CYP11B2: variants seen among roughly 807,000 people sequenced by gnomAD.
CYP11B2 encodes cytochrome P450 11B2, mitochondrial.
CYP11B2 carries 38 observed loss-of-function variants against 49.3 expected under a neutral mutation model. The ratio of observed to expected loss-of-function variants is 0.77; its 90% confidence interval spans 0.59 to 1.01. CYP11B2 has a LOEUF of 1.01. Ranked by LOEUF, CYP11B2 falls within the 50% of genes least tolerant of loss-of-function variation. CYP11B2 has a pLI of 0.00. For synonymous variants in CYP11B2, 290 were observed against 269.3 expected (o/e 1.08, Z -0.75); for missense variants, 669 against 655.5 (o/e 1.02, Z -0.23).
rs745626507 is a variant in CYP11B2, at chr8:142,917,757, G to A, written c.84C>T (p.Ala28=). ...GCAGCACCGTCCTAGGGGCCCGAGC[G>A]GCTCTAGTGCCCAGTGCCCGTGCCC... ...LQRARALGTR[A]ARAPRTVLPF... The change falls in exon 1 of 9, where the codon GCC becomes GCT. Residue 28 remains alanine (A), a synonymous_variant. Transcript: ENST00000323110. 18 of 1,614,206 alleles carry A rather than the reference G, an allele frequency of 1.1e-5. 1 individual carries two copies. Among genetic ancestry groups the A allele is most frequent in the East Asian group, 4.5e-5 (2 of 44,886 alleles).
At position 142,911,300 on chromosome 8, in the gene CYP11B2, C is replaced by G. The variant is rs1817530200; in HGVS notation, c.*680G>C. The G allele has an allele frequency of 2.0e-5, 3 of 152,940 alleles. No homozygotes were observed. The South Asian group carries it at 6.2e-4, about 32-fold the overall frequency. 9.5% of individuals were successfully genotyped at this position (152,940 alleles called of 1,614,324 possible). On this transcript the variant is annotated 3_prime_UTR_variant, in exon 9 of 9. Coordinates refer to ENST00000323110, the MANE Select transcript of CYP11B2 (RefSeq NM_000498.3). ...CCAACACTCGCTGCTTGAACAAGACCTGGTCCATGAAAGACGAGGCCTGGG... is the reference window on the plus strand; with the variant it reads ...CCAACACTCGCTGCTTGAACAAGACGTGGTCCATGAAAGACGAGGCCTGGG...
In CYP11B2 at chr8:142,913,269, C is replaced by T; in HGVS notation, c.1121+16G>A. 6.2e-7 allele frequency: 1 copy of T among 1,612,282 alleles called. No individual in the cohort carries two copies. ...CAGGGGGCCAGGGCCACAGGGAGGC[C>T]TCAGCCAGCACCCACCGCAAGGTCT... On this transcript the variant is annotated intron_variant, in intron 6 of 8. Transcript: ENST00000323110.
chr8:142,911,990 G>T lies in CYP11B2; in HGVS notation c.1502C>A (p.Ala501Glu). The T allele has an allele frequency of 6.2e-7, 1 of 1,613,978 alleles. No homozygotes were observed. Among genetic ancestry groups the T allele is most frequent in the Non-Finnish European group, 8.5e-7 (1 of 1,179,924 alleles). ...GGTGCAGATGCAAGACTAGTTAATC[G>T]CTCTGAAAGTGAGGAGGGGGGACGT... is the stretch of plus-strand genomic sequence containing the variant. ...PGTSPLLTFR[A>E]IN Residue 501 changes from alanine (A) to glutamate (E), a missense_variant, in exon 9 of 9, where the codon GCG becomes GAG. Physicochemically the swap from Ala to Glu is moderately radical, Grantham distance 107 (BLOSUM62 -1). Transcript: ENST00000323110.
chr8:142,917,534 C>T, intron 1 of CYP11B2, 68 bp downstream of exon 1: 2 of 1,613,560 alleles, frequency 1.2e-6, no homozygotes, highest in Non-Finnish European at 1.7e-6. Flanking sequence ...TGCTGAGTGC[C>T]TGGCAGGGTC....
At position 142,917,219 on chromosome 8, in the gene CYP11B2, G is replaced by A. The variant is rs776889318; in HGVS notation, c.240-5C>T. On this transcript the variant is annotated splice_region_variant and splice_polypyrimidine_tract_variant and intron_variant, in intron 1 of 8. Transcript: ENST00000323110. The stretch of plus-strand genomic sequence containing the variant: ...CGTGGTCCTCCCAAGTTGTACCTGT[G>A]GGGCCAAGCAGGAGGCCCTGCTGGA... 1.2e-6 allele frequency: 2 copies of A among 1,613,660 alleles called. No individual in the cohort carries two copies. Among genetic ancestry groups the A allele is most frequent in the Admixed American group, 1.7e-5 (1 of 60,000 alleles).
rs569467024 is a variant in CYP11B2, at chr8:142,914,459, G to A, written c.800-41C>T. On this transcript the variant is annotated intron_variant, in intron 4 of 8. Transcript: ENST00000323110. Reference sequence around the variant, plus strand: ...GGGACAGCCCTCAGATCTTGGTGCTGGGAAGCATCCTTCAGTGTCCTCCTC... The same window carrying A: ...GGGACAGCCCTCAGATCTTGGTGCTAGGAAGCATCCTTCAGTGTCCTCCTC... The A allele has an allele frequency of 2.5e-6, 4 of 1,571,042 alleles. No homozygotes were observed. The South Asian group carries it at 4.6e-5, about 18-fold the overall frequency.
rs1232046104 is a variant in CYP11B2 at position 142,911,631 on chromosome 8, G to A, written c.*349C>T. On this transcript the variant is annotated 3_prime_UTR_variant, in exon 9 of 9. Coordinates refer to ENST00000323110, the MANE Select transcript of CYP11B2 (RefSeq NM_000498.3). Reference sequence around the variant, plus strand: ...ATGTGAGACTAGGCAGGAAGGCAAGGGACAAAATCACAGCACCCTTGCATG... The same window carrying A: ...ATGTGAGACTAGGCAGGAAGGCAAGAGACAAAATCACAGCACCCTTGCATG... 1 of 346,454 alleles carries A rather than the reference G, an allele frequency of 2.9e-6. No homozygotes were observed. The highest frequency in any genetic ancestry group is 6.5e-5 in the East Asian group (1 of 15,354). The allele number at this position is 346,454 out of a possible 1,614,324, so 21.5% of individuals were successfully genotyped here.
At chr8:142,917,474 T>TC (rs998359258) in intron 1 of CYP11B2, 128 bp downstream of exon 1, 6 of 1,612,386 alleles carry the variant, frequency 3.7e-6, no homozygotes, top group Non-Finnish European at 5.1e-6. Context: ...CTGCACTCCT[T>TC]CCCCATCCTC....
chr8:142,912,913 G>A (rs747818569), intron 6 of CYP11B2, 28 bp from the exon 7 acceptor site: 2 of 1,600,420 alleles, frequency 1.2e-6, no homozygotes, highest in Admixed American at 1.7e-5. Context: ...CATAGAAAGG[G>A]TCCTCAGCTG....
intron 8 of CYP11B2, among the ~76,000 whole-genome samples, chr8:142,912,300 T>C (rs1817550004): frequency 6.6e-6 from 1 of 152,030 alleles, no homozygotes; most frequent in African/African-American, 2.4e-5. Flanking sequence ...CATTATTCTG[T>C]ACAGGCTCCA....
chr8:142,914,447 G>A (rs1817601668), intron 4 of CYP11B2, 29 bp from the exon 5 acceptor site: 1 of 1,596,510 alleles, frequency 6.3e-7, no homozygotes, highest in South Asian at 1.1e-5. Context: ...ACAGCCCTCA[G>A]ATCTTGGTGC....
Position 142,916,993 on chromosome 8 carries a change from C to T in CYP11B2, c.395+66G>A, listed in dbSNP as rs1817657426. On this transcript the variant is annotated intron_variant, in intron 2 of 8. Transcript: ENST00000323110. Reference sequence around the variant, plus strand: ...ATGTGCTTTTGGGTCCTACCTCTCTCGCCTCCCCCCTACACCCAGGCTGCC... The same window carrying T: ...ATGTGCTTTTGGGTCCTACCTCTCTTGCCTCCCCCCTACACCCAGGCTGCC... 68 of 1,590,950 alleles carry T rather than the reference C, an allele frequency of 4.3e-5. No individual in the cohort carries two copies. In the East Asian group the frequency reaches 8.0e-4, roughly 19 times the overall value.
Position 142,911,878 on chromosome 8 carries a change from G to GTTCCATTT in CYP11B2, c.*101_*102insAAATGGAA. 2 of 1,559,572 alleles carry GTTCCATTT rather than the reference G, an allele frequency of 1.3e-6. No individual in the cohort carries two copies. The highest frequency in any genetic ancestry group is 1.8e-5 in the Admixed American group (1 of 54,822). The stretch of plus-strand genomic sequence containing the variant: ...TGTGCAGGAGCTGGCTGGACAGAGG[G>GTTCCATTT]GTGACTCAGGAAGCTGTGCACGTGG... On this transcript the variant is annotated 3_prime_UTR_variant, in exon 9 of 9. Coordinates refer to ENST00000323110, the MANE Select transcript of CYP11B2 (RefSeq NM_000498.3).
At chr8:142,915,388 G>A (rs1353120785) in intron 2 of CYP11B2, 143 bp from the exon 3 acceptor site, 18 of 856,348 alleles carry the variant, frequency 2.1e-5, no homozygotes, top group African/African-American at 8.4e-5. Flanking sequence ...GTTTGTGTTC[G>A]AGCTGCAGCC....
chr8:142,914,798 G>T lies in CYP11B2; in HGVS notation c.706C>A (p.Gln236Lys). Residue 236 changes from glutamine (Q) to lysine (K), a missense_variant, in exon 4 of 9, where the codon CAG (glutamine) becomes AAG (lysine). Coordinates refer to ENST00000323110, the MANE Select transcript of CYP11B2 (RefSeq NM_000498.3). ...AGGCTCCTGGGCATGAACATGAGCTGGACGGTGGATTTGAACATGACCTCC... is the reference window on the plus strand; with the variant it reads ...AGGCTCCTGGGCATGAACATGAGCTTGACGGTGGATTTGAACATGACCTCC... ...ALEVMFKSTV[Q>K]LMFMPRSLSR... 2 of 1,613,694 alleles carry T rather than the reference G, an allele frequency of 1.2e-6. No individual in the cohort carries two copies. The highest frequency in any genetic ancestry group is 1.7e-6 in the Non-Finnish European group (2 of 1,179,992).
rs4544 is a variant in CYP11B2 at position 142,913,390 on chromosome 8, A to T, written c.1016T>A (p.Ile339Asn). 2,507 of 1,613,796 alleles carry T rather than the reference A, an allele frequency of 1.6e-3. 31 individuals carry two copies. In the South Asian group the frequency reaches 0.021, roughly 13 times the overall value. The change falls in exon 6 of 9, where the codon ATC becomes AAC. Residue 339 changes from isoleucine (I) to asparagine (N), a missense_variant. Coordinates refer to ENST00000323110, the MANE Select transcript of CYP11B2 (RefSeq NM_000498.3). ...GGCGGCCAGGCTCTCCTGGCGCAGGATCTGCTGCACGTCGGGGTTCCGAGC... is the reference window on the plus strand; with the variant it reads ...GGCGGCCAGGCTCTCCTGGCGCAGGTTCTGCTGCACGTCGGGGTTCCGAGC... The part of the protein sequence containing the change: ...ELARNPDVQQ[I>N]LRQESLAAAA...
chr8:142,916,591 C>G, intron 2 of CYP11B2: 1 of 396,718 alleles, frequency 2.5e-6, no homozygotes, highest in Non-Finnish European at 5.1e-6. Context: ...CCGGACTGTC[C>G]CCATCAGGAA....
chr8:142,917,133 A>G lies in CYP11B2; in HGVS notation c.321T>C (p.His107=). 6.2e-7 allele frequency: 1 copy of G among 1,614,166 alleles called. No homozygotes were observed. Among genetic ancestry groups the G allele is most frequent in the African/African-American group, 1.3e-5 (1 of 75,038 alleles). ...VEKLQQVDSL[H]PCRMILEPWV... Reference sequence around the variant, plus strand: ...AGGGCTCCAGGATCATCCTGCAGGGATGCAGGCTGTCCACCTGTTGCAGCT... The same window carrying G: ...AGGGCTCCAGGATCATCCTGCAGGGGTGCAGGCTGTCCACCTGTTGCAGCT... The change falls in exon 2 of 9, where the codon CAT becomes CAC. Residue 107 remains histidine, a synonymous_variant. Transcript: ENST00000323110.
In CYP11B2 at chr8:142,915,261, C is replaced by A; in HGVS notation, c.396-16G>T. Reference sequence around the variant, plus strand: ...AGGCCCATTCCTACAGAGGCCAGGGCAGAGCTTGTGAGGCCGCCCCAGCAA... The same window carrying A: ...AGGCCCATTCCTACAGAGGCCAGGGAAGAGCTTGTGAGGCCGCCCCAGCAA... On this transcript the variant is annotated splice_polypyrimidine_tract_variant and intron_variant, in intron 2 of 8. Transcript: ENST00000323110. The A allele has an allele frequency of 1.2e-6, 2 of 1,601,268 alleles. No homozygotes were observed. Among genetic ancestry groups the A allele is most frequent in the Non-Finnish European group, 1.7e-6 (2 of 1,174,178 alleles).
Sources: allele counts gnomAD v4.1 joint callset (sites outside exome capture counted in the v4.1 genomes callset), GRCh38; gene constraint gnomAD v4.1.1; transcripts MANE v1.5; gene names NCBI Gene and HGNC (gene_info 2026-07-23, HGNC 2026-07-21).